SNTG1: variants seen among roughly 807,000 people sequenced by gnomAD.
SNTG1 encodes the protein gamma-1-syntrophin.
Under a neutral mutation model 74.7 loss-of-function variants are expected in SNTG1, and 39 were observed. The ratio of observed to expected loss-of-function variants is 0.52; its 90% confidence interval spans 0.40 to 0.68. The LOEUF (loss-of-function observed/expected upper bound fraction) is 0.68. SNTG1 is among the 30% of genes least tolerant of loss of function. The probability of loss-of-function intolerance (pLI) is 0.00; values close to 1 mark genes in which losing one functional copy is unlikely to be tolerated. For missense variants in SNTG1, 685 were observed against 609.5 expected, an observed-to-expected ratio of 1.12 and a Z score of -1.30; for synonymous variants, 254 against 217.1, an observed-to-expected ratio of 1.17 and a Z score of -1.49.
chr8:50,355,352 A>C (rs908793496), intron 2 of SNTG1, among the ~76,000 whole-genome samples: 22 of 152,166 alleles, frequency 1.4e-4, no homozygotes, highest in Non-Finnish European at 4.4e-5. Flanking sequence ...ATGATATACT[A>C]TGACCAGATG....
intron 15 of SNTG1, among the ~76,000 whole-genome samples, chr8:50,671,144 A>ATG (rs1443181564): frequency 2.0e-5 from 3 of 152,092 alleles, no homozygotes; most frequent in Non-Finnish European, 4.4e-5. Flanking sequence ...CAAGGACTTC[A>ATG]TGTCTAAAAA....
chr8:49,912,255 T>C (rs1032492340), intron 1 of SNTG1, 24 bp downstream of exon 1: 4 of 152,252 alleles, frequency 2.6e-5, no homozygotes, highest in African/African-American at 9.6e-5. Context: ...CTATTATTTT[T>C]GTTTTTTAAA....
chr8:50,790,537 G>A (rs1173368681), intron 18 of SNTG1, among the ~76,000 whole-genome samples: 1 of 151,834 alleles, frequency 6.6e-6, no homozygotes, highest in East Asian at 1.9e-4. Context: ...ACTCACATAA[G>A]AAATTAGTAA....
intron 4 of SNTG1, among the ~76,000 whole-genome samples, chr8:50,408,753 CTT>C (rs1271411224): frequency 2.6e-5 from 4 of 152,184 alleles, no homozygotes; most frequent in Non-Finnish European, 5.9e-5. Flanking sequence ...AAGTAACCCT[CTT>C]AGCTCCTTGC....
At chr8:50,000,440 A>G (rs1469452695) in intron 1 of SNTG1, among the ~76,000 whole-genome samples, 2 of 151,898 alleles carry the variant, frequency 1.3e-5, no homozygotes, top group Non-Finnish European at 2.9e-5. Context: ...AATGGGTCTT[A>G]TTTTTTTATG....
chr8:50,476,791 T>G (rs557834222), intron 8 of SNTG1, among the ~76,000 whole-genome samples: 3 of 150,790 alleles, frequency 2.0e-5, no homozygotes, highest in East Asian at 2.0e-4. Context: ...TTTTCTCCAG[T>G]AAAGAGAAAT....
intron 2 of SNTG1, among the ~76,000 whole-genome samples, chr8:50,277,134 G>A (rs546145052): frequency 3.3e-5 from 5 of 151,932 alleles, no homozygotes; most frequent in African/African-American, 4.8e-5. Flanking sequence ...GGCCAAAGTG[G>A]TGCATTTTTG....
intron 2 of SNTG1, among the ~76,000 whole-genome samples, chr8:50,333,568 C>T (rs1437150485): frequency 6.6e-6 from 1 of 152,168 alleles, no homozygotes; most frequent in African/African-American, 2.4e-5. Flanking sequence ...TCTTATTATG[C>T]TGGAAACAGC....
rs114727205 is a variant in SNTG1, at chr8:50,100,149, A to C, written c.-102-72412A>C. Among the ~76,000 whole-genome samples the C allele has an allele frequency of 5.3e-3, 804 of 152,250 alleles. 10 individuals are homozygous for C. Among genetic ancestry groups the C allele is most frequent in the African/African-American group, 0.018 (759 of 41,554 alleles). On this transcript the variant is annotated intron_variant, in intron 1 of 18. Coordinates refer to ENST00000642720, the MANE Select transcript of SNTG1 (RefSeq NM_018967.5). Reference sequence around the variant, plus strand: ...GCTGGGAAGACATTAAAGTAAGTGAAATAAGCCAGGAAAAGAAAAGTTAAT... The same window carrying C: ...GCTGGGAAGACATTAAAGTAAGTGACATAAGCCAGGAAAAGAAAAGTTAAT...
chr8:50,470,563 TCCTC>T (rs2093644341), intron 8 of SNTG1, among the ~76,000 whole-genome samples: 2 of 152,080 alleles, frequency 1.3e-5, no homozygotes, highest in Non-Finnish European at 2.9e-5. Context: ...AGTTGTTTGT[TCCTC>T]CCGGTGGGTT....
chr8:50,509,069 C>A (rs1173835348), intron 9 of SNTG1, among the ~76,000 whole-genome samples: 6 of 152,174 alleles, frequency 3.9e-5, no homozygotes, highest in Non-Finnish European at 7.3e-5. Flanking sequence ...ACATTTAAGT[C>A]TTTAATCTAC....
At chr8:50,713,248 A>G (rs2095466754) in intron 17 of SNTG1, among the ~76,000 whole-genome samples, 1 of 152,128 alleles carries the variant, frequency 6.6e-6, no homozygotes, top group South Asian at 2.1e-4. Context: ...TTCTCTGATG[A>G]CCAGTGATGA....
intron 2 of SNTG1, among the ~76,000 whole-genome samples, chr8:50,182,593 T>G (rs2083244749): frequency 6.6e-6 from 1 of 152,118 alleles, no homozygotes; most frequent in Admixed American, 6.6e-5. Context: ...CAGGAAGCAT[T>G]TTTTCAAGAA....
intron 17 of SNTG1, among the ~76,000 whole-genome samples, chr8:50,732,853 C>A (rs1053923312): frequency 2.6e-5 from 4 of 151,912 alleles, no homozygotes; most frequent in Non-Finnish European, 4.4e-5. Flanking sequence ...TGAACAGGTT[C>A]TCCTATGGTT....
intron 8 of SNTG1, among the ~76,000 whole-genome samples, chr8:50,494,070 A>G (rs541473534): frequency 7.3e-5 from 11 of 151,552 alleles, no homozygotes; most frequent in African/African-American, 2.4e-4. Flanking sequence ...TTGACCAAAC[A>G]TCCTTTCAGA....
chr8:50,725,686 T>G (rs1157360018), intron 17 of SNTG1, among the ~76,000 whole-genome samples: 12 of 152,172 alleles, frequency 7.9e-5, no homozygotes, highest in African/African-American at 2.7e-4. Context: ...TTACACCAAC[T>G]GGCTCATGAG....
chr8:50,673,845 T>C (rs1183407160), intron 15 of SNTG1, among the ~76,000 whole-genome samples: 2 of 151,960 alleles, frequency 1.3e-5, no homozygotes, highest in Admixed American at 6.6e-5. Context: ...TTTTGAGATA[T>C]GTTCCATCAA....
intron 1 of SNTG1, among the ~76,000 whole-genome samples, chr8:50,051,876 T>G (rs1201060293): frequency 6.6e-6 from 1 of 152,018 alleles, no homozygotes; most frequent in Non-Finnish European, 1.5e-5. Context: ...ACCATAACAA[T>G]TTGTATTCTG....
chr8:50,698,668 C>T (rs1316799935), intron 15 of SNTG1, among the ~76,000 whole-genome samples: 1 of 152,166 alleles, frequency 6.6e-6, no homozygotes, highest in African/African-American at 2.4e-5. Flanking sequence ...GGACTGTGCA[C>T]AGCTTGCAAA....
Sources: allele counts gnomAD v4.1 joint callset (sites outside exome capture counted in the v4.1 genomes callset), GRCh38; gene constraint gnomAD v4.1.1; transcripts MANE v1.5; gene names NCBI Gene and HGNC (gene_info 2026-07-23, HGNC 2026-07-21).